Variants in NRG3 observed in about 807,000 individuals in gnomAD.
NRG3 encodes the protein pro-neuregulin-3, membrane-bound isoform.
A neutral mutation model predicts 66.9 loss-of-function variants in NRG3; 31 were observed. That is an observed-to-expected ratio of 0.46 (90% CI 0.35 to 0.63). NRG3 has a LOEUF of 0.63. NRG3 is among the 20% of genes least tolerant of loss of function. The probability of loss-of-function intolerance (pLI) is 0.00; values close to 1 mark genes in which losing one functional copy is unlikely to be tolerated. For missense variants in NRG3, 910 were observed against 878.9 expected (o/e 1.04, Z -0.45); for synonymous variants, 393 against 359.4 (o/e 1.09, Z -1.06).
At chr10:82,165,705 G>A (rs1377373066) in intron 1 of NRG3, among the ~76,000 whole-genome samples, 1 of 150,892 alleles carries the variant, frequency 6.6e-6, no homozygotes, top group Non-Finnish European at 1.5e-5. Context: ...TCTTTTTTTT[G>A]AGAGGGGGCG....
intron 1 of NRG3, among the ~76,000 whole-genome samples, chr10:82,166,133 C>T (rs917952670): frequency 4.6e-5 from 7 of 152,168 alleles, no homozygotes; most frequent in African/African-American, 1.4e-4. Context: ...AGCAATTCTC[C>T]TGCCTCAGCC....
chr10:82,949,075 A>T (rs1849284177), intron 4 of NRG3, among the ~76,000 whole-genome samples: 2 of 152,056 alleles, frequency 1.3e-5, no homozygotes, highest in African/African-American at 4.8e-5. Flanking sequence ...TTCTATTTCT[A>T]GGTTTTGAGA....
chr10:82,886,960 C>T (rs1237588577), intron 4 of NRG3, among the ~76,000 whole-genome samples: 4 of 152,136 alleles, frequency 2.6e-5, no homozygotes, highest in South Asian at 2.1e-4. Flanking sequence ...TTAATGACAC[C>T]CTTGTAAAAT....
intron 2 of NRG3, among the ~76,000 whole-genome samples, chr10:82,364,609 G>A (rs1564842063): frequency 5.3e-5 from 8 of 152,164 alleles, no homozygotes. Flanking sequence ...TGGACCAAAT[G>A]TGTTTTAAGA....
At chr10:82,638,946 C>G (rs115231024) in intron 2 of NRG3, among the ~76,000 whole-genome samples, 2,300 of 152,138 alleles carry the variant, frequency 0.015, 55 homozygotes, top group African/African-American at 0.052. Context: ...TGCCCGGCCA[C>G]ATATTTTTTT....
chr10:82,062,170 G>C (rs1589963984), intron 1 of NRG3, among the ~76,000 whole-genome samples: 1 of 152,110 alleles, frequency 6.6e-6, no homozygotes, highest in African/African-American at 2.4e-5. Context: ...TCTCTAGAGT[G>C]TTCTTTCCCC....
chr10:81,995,874 G>A (rs2060922797), intron 1 of NRG3, among the ~76,000 whole-genome samples: 1 of 151,990 alleles, frequency 6.6e-6, no homozygotes, highest in Non-Finnish European at 1.5e-5. Context: ...TTGTTTGTTT[G>A]TTTTGTTTTT....
At chr10:82,398,804 TG>T (rs1010655187) in intron 2 of NRG3, among the ~76,000 whole-genome samples, 7 of 152,232 alleles carry the variant, frequency 4.6e-5, no homozygotes, top group African/African-American at 9.6e-5. Flanking sequence ...TGATCATTCC[TG>T]GGCTTCAGGA....
At chr10:81,989,767 G>T (rs1416154495) in intron 1 of NRG3, among the ~76,000 whole-genome samples, 1 of 152,030 alleles carries the variant, frequency 6.6e-6, no homozygotes, top group African/African-American at 2.4e-5. Context: ...TGAGAAGTGA[G>T]AACTTTTTCT....
chr10:82,243,285 T>C (rs1271796541), intron 1 of NRG3, among the ~76,000 whole-genome samples: 4 of 152,224 alleles, frequency 2.6e-5, no homozygotes, highest in Non-Finnish European at 4.4e-5. Flanking sequence ...AGTCTTCTAG[T>C]AAATGCAAAC....
chr10:82,433,898 G>C (rs141284767), intron 2 of NRG3, among the ~76,000 whole-genome samples: 9 of 152,256 alleles, frequency 5.9e-5, no homozygotes, highest in Non-Finnish European at 1.3e-4. Context: ...CTCCAGGTTT[G>C]TTCTTTTTGC....
intron 1 of NRG3, among the ~76,000 whole-genome samples, chr10:82,339,075 G>A (rs2082541179): frequency 6.6e-6 from 1 of 152,158 alleles, no homozygotes; most frequent in Non-Finnish European, 1.5e-5. Context: ...GGTACTTTAT[G>A]CAAGAAGATT....
At chr10:82,199,848 C>T (rs182496424) in intron 1 of NRG3, among the ~76,000 whole-genome samples, 9 of 149,864 alleles carry the variant, frequency 6.0e-5, no homozygotes, top group African/African-American at 2.0e-4. Flanking sequence ...GTCTGATGCC[C>T]GCTATCTGTG....
intron 2 of NRG3, among the ~76,000 whole-genome samples, chr10:82,517,912 A>G (rs900505474): frequency 6.6e-6 from 1 of 152,188 alleles, no homozygotes; most frequent in Non-Finnish European, 1.5e-5. Flanking sequence ...AAAAGAAAAA[A>G]TAACATTAAA....
rs907763827 is a variant in NRG3, at chr10:82,223,954, A to G, written c.824-134785A>G. On this transcript the variant is annotated intron_variant, in intron 1 of 8. Coordinates refer to ENST00000372141, the MANE Select transcript of NRG3 (RefSeq NM_001010848.4). The stretch of plus-strand genomic sequence containing the variant: ...AAAGTGAGTCTGTTTCCTTTTCTAC[A>G]TAACCTCTGTCTTATCATGACAGAA... 7.2e-5 allele frequency among the ~76,000 whole-genome samples: 11 copies of G among 152,288 alleles called. No individual in the cohort carries two copies. In the East Asian group the frequency reaches 1.5e-3, roughly 21 times the overall value.
intron 2 of NRG3, among the ~76,000 whole-genome samples, chr10:82,571,203 C>T (rs1262906761): frequency 6.6e-6 from 1 of 151,486 alleles, no homozygotes; most frequent in Non-Finnish European, 1.5e-5. Context: ...AAAAAATCAT[C>T]CCCTTAACTT....
chr10:81,876,186 C>T (rs1841622388), intron 1 of NRG3, 23 bp downstream of exon 1: 2 of 1,549,054 alleles, frequency 1.3e-6, no homozygotes, highest in African/African-American at 2.7e-5. Flanking sequence ...TGTGTCTCAA[C>T]TATGATTTAC....
At chr10:82,361,153 G>A (rs1359566267) in intron 2 of NRG3, among the ~76,000 whole-genome samples, 1 of 152,128 alleles carries the variant, frequency 6.6e-6, no homozygotes, top group East Asian at 1.9e-4. Flanking sequence ...TGAGATGCAT[G>A]TACATCTCTA....
rs140351485 is a variant in NRG3 at position 82,272,941 on chromosome 10, G to C, written c.824-85798G>C. Among the ~76,000 whole-genome samples the C allele has an allele frequency of 3.4e-4, 51 of 152,110 alleles. No individual in the cohort carries two copies. In the East Asian group the frequency reaches 8.5e-3, roughly 25 times the overall value. Reference sequence around the variant, plus strand: ...GGTTATTAATTCGTTCCAGTTCTTGGGGAGAGCAGCATGAGCCTCTGCATG... The same window carrying C: ...GGTTATTAATTCGTTCCAGTTCTTGCGGAGAGCAGCATGAGCCTCTGCATG... On this transcript the variant is annotated intron_variant, in intron 1 of 8. Coordinates refer to ENST00000372141, the MANE Select transcript of NRG3 (RefSeq NM_001010848.4).
Sources: gnomAD v4.1 joint callset for allele counts (sites outside exome capture counted in the v4.1 genomes callset) on GRCh38, gnomAD v4.1.1 for gene constraint, MANE v1.5 for transcripts, NCBI Gene and HGNC (gene_info 2026-07-23, HGNC 2026-07-21) for gene names.